The following GDPD4 variants were observed in gnomAD, a reference collection of about 807,000 sequenced individuals.
The protein encoded by GDPD4 is glycerophosphodiester phosphodiesterase domain containing 4, also known as glycerophosphodiester phosphodiesterase 6.
In GDPD4, 60 loss-of-function variants were observed where a neutral mutation model predicts 67.8. The ratio of observed to expected loss-of-function variants is 0.88; its 90% CI spans 0.72 to 1.10. The LOEUF (loss-of-function observed/expected upper bound fraction) is 1.10. GDPD4 is among the 50% of genes least tolerant of loss of function. The pLI, the probability that GDPD4 is intolerant of heterozygous loss-of-function variation, is 0.00. For missense variants in GDPD4, 623 were observed against 613.9 expected (o/e 1.01, Z -0.16); for synonymous variants, 212 against 210.9 (o/e 1.00, Z -0.04).
At chr11:77,256,326 TC>T (rs1959003777) in intron 11 of GDPD4, among the ~76,000 whole-genome samples, 1 of 152,226 alleles carries the variant, frequency 6.6e-6, no homozygotes, top group Non-Finnish European at 1.5e-5. Context: ...TTTTTATGTG[TC>T]TATATATGAG....
chr11:77,250,134 G>A (rs187337713), intron 11 of GDPD4, among the ~76,000 whole-genome samples: 64 of 151,954 alleles, frequency 4.2e-4, no homozygotes, highest in East Asian at 4.1e-3. Context: ...TACATGTGCC[G>A]GTTTGTTACC....
chr11:77,222,373 C>T (rs1289563510), intron 16 of GDPD4, among the ~76,000 whole-genome samples: 1 of 152,154 alleles, frequency 6.6e-6, no homozygotes, highest in Non-Finnish European at 1.5e-5. Context: ...TTGTTCCTTT[C>T]CATGTTTAGT....
At position 77,252,605 on chromosome 11, in the gene GDPD4, T is replaced by C. The variant is rs1033461142; in HGVS notation, c.864+5781A>G. On this transcript the variant is annotated intron_variant, in intron 11 of 16. Transcript: ENST00000315938. Reference sequence around the variant, plus strand: ...TTTTTCATTTCTTGTGCCCCTGTGCTAATGTCTATGCATCTGGTGGAATAA... The same window carrying C: ...TTTTTCATTTCTTGTGCCCCTGTGCCAATGTCTATGCATCTGGTGGAATAA... 2.4e-4 allele frequency among the ~76,000 whole-genome samples: 36 copies of C among 152,334 alleles called. No individual in the cohort carries two copies. The Middle Eastern group carries it at 0.01, about 43-fold the overall frequency.
intron 16 of GDPD4, among the ~76,000 whole-genome samples, chr11:77,221,958 G>C (rs1254487607): frequency 1.3e-5 from 2 of 152,282 alleles, no homozygotes; most frequent in East Asian, 3.9e-4. Context: ...AGCTCTTGTT[G>C]AATTGATCCC....
Position 77,279,378 on chromosome 11 carries a change from T to A in GDPD4, c.75A>T (p.Gly25=). 1 of 1,610,710 alleles carries A rather than the reference T, an allele frequency of 6.2e-7. No homozygotes were observed. Among genetic ancestry groups the A allele is most frequent in the Non-Finnish European group, 8.5e-7 (1 of 1,177,300 alleles). ...TAAAAATAGACCAGAAAAACCAGTA[T>A]CCTGTTCCTAGAAAAGTGACCCTGA... ...NFDWVTFLGT[G]YWFFWSIFIL... Residue 25 remains glycine (G), a synonymous_variant, in exon 4 of 17, where the codon GGA becomes GGT. Transcript: ENST00000315938.
At chr11:77,251,571 A>C (rs1218526240) in intron 11 of GDPD4, among the ~76,000 whole-genome samples, 1 of 152,182 alleles carries the variant, frequency 6.6e-6, no homozygotes, top group Non-Finnish European at 1.5e-5. Flanking sequence ...TTCAGCTGTC[A>C]GTCTAATGAG....
chr11:77,268,420 A>C (rs1618188), intron 10 of GDPD4, 37 bp downstream of exon 10: 939,185 of 1,403,050 alleles, frequency 0.67, 319,149 homozygotes, highest in African/African-American at 0.92. Context: ...TTGAACTTAT[A>C]CCCTCCTCCC....
intron 1 of GDPD4, among the ~76,000 whole-genome samples, chr11:77,290,221 C>A (rs1937726620): frequency 1.3e-5 from 2 of 152,148 alleles, no homozygotes; most frequent in African/African-American, 2.4e-5. Flanking sequence ...AGAAATCTTA[C>A]ACGATAGGAG....
chr11:77,268,514 G>C lies in GDPD4; in HGVS notation c.650C>G (p.Ser217Cys). ...TCCATGTTCAACAGCTTTCTCAAAGGACATCATGGTATTCTCAGGCCCCAA... is the reference window on the plus strand; with the variant it reads ...TCCATGTTCAACAGCTTTCTCAAAGCACATCATGGTATTCTCAGGCCCCAA... ...PMLGPENTMM[S>C]FEKAVEHGAH... The change falls in exon 10 of 17, where the codon TCC becomes TGC. Residue 217 changes from serine (S) to cysteine (C), a missense_variant. Transcript: ENST00000315938. The C allele has an allele frequency of 6.2e-7, 1 of 1,612,938 alleles. No homozygotes were observed. Among genetic ancestry groups the C allele is most frequent in the Non-Finnish European group, 8.5e-7 (1 of 1,179,122 alleles).
chr11:77,227,916 C>T lies in GDPD4; in HGVS notation c.1473G>A (p.Trp491Ter). ...ATTTTTCTTTTTCAGTCTCTCTCCG[C>T]CTAGAAGGAAGCAGACCATCCATGA... ...LFIVAIFCFH[W>*]RRETEKEKLF... The change falls in exon 16 of 17, where the codon TGG becomes TGA. Residue 491 changes from tryptophan to a stop codon, truncating the protein, a stop_gained and splice_region_variant. Coordinates refer to ENST00000315938, the MANE Select transcript of GDPD4 (RefSeq NM_182833.3). LOFTEE classifies it high-confidence loss of function. 1 of 1,610,976 alleles carries T rather than the reference C, an allele frequency of 6.2e-7. No homozygotes were observed.
At chr11:77,246,125 A>G (rs373424686) in intron 11 of GDPD4, among the ~76,000 whole-genome samples, 151 of 152,310 alleles carry the variant, frequency 9.9e-4, no homozygotes, top group Non-Finnish European at 1.6e-3. Flanking sequence ...GTCTCTACAA[A>G]AAAATTTTAA....
chr11:77,284,594 A>G (rs1959911430), intron 3 of GDPD4, among the ~76,000 whole-genome samples: 1 of 152,210 alleles, frequency 6.6e-6, no homozygotes, highest in African/African-American at 2.4e-5. Context: ...ATTCCAGAGT[A>G]GGAGTTTAGC....
intron 11 of GDPD4, among the ~76,000 whole-genome samples, chr11:77,248,266 A>T (rs1380809924): frequency 1.3e-5 from 2 of 149,460 alleles, no homozygotes; most frequent in African/African-American, 4.9e-5. Flanking sequence ...GCAGTGGTGC[A>T]ATCTCAGCTC....
At chr11:77,236,618 AT>A (rs1190347460) in intron 13 of GDPD4, among the ~76,000 whole-genome samples, 1 of 152,206 alleles carries the variant, frequency 6.6e-6, no homozygotes, top group Admixed American at 6.5e-5. Context: ...TTTAGATAAG[AT>A]TAATTACCTT....
At chr11:77,254,122 G>C in intron 11 of GDPD4, among the ~76,000 whole-genome samples, 1 of 152,166 alleles carries the variant, frequency 6.6e-6, no homozygotes, top group East Asian at 1.9e-4. Context: ...TGTAGGCCAC[G>C]GGGCAGGCAC....
chr11:77,247,624 G>T (rs1306592750), intron 11 of GDPD4, among the ~76,000 whole-genome samples: 3 of 152,102 alleles, frequency 2.0e-5, no homozygotes. Flanking sequence ...ATAAATTTCT[G>T]GTCCTCCAGA....
At chr11:77,262,813 T>C (rs1327315903) in intron 10 of GDPD4, among the ~76,000 whole-genome samples, 1 of 141,964 alleles carries the variant, frequency 7.0e-6, no homozygotes, top group Non-Finnish European at 1.5e-5. Context: ...TTCCTCCTAT[T>C]TCCTCATTTG....
At chr11:77,229,012 T>C (rs939441537) in intron 15 of GDPD4, 138 bp downstream of exon 15, 15 of 555,734 alleles carry the variant, frequency 2.7e-5, no homozygotes, top group Middle Eastern at 4.8e-4. Flanking sequence ...GCAGACTACA[T>C]GAGAAGAGAG....
chr11:77,281,818 G>C (rs536815999), intron 3 of GDPD4, among the ~76,000 whole-genome samples: 2 of 152,180 alleles, frequency 1.3e-5, no homozygotes, highest in East Asian at 3.9e-4. Flanking sequence ...GTGAACAGAC[G>C]TTATTAGTCT....
Sources: allele counts gnomAD v4.1 joint callset (sites outside exome capture counted in the v4.1 genomes callset), GRCh38; gene constraint gnomAD v4.1.1; transcripts MANE v1.5; gene names NCBI Gene and HGNC (gene_info 2026-07-23, HGNC 2026-07-21).